Variants in CNTNAP2 observed in about 807,000 individuals in gnomAD.
CNTNAP2 encodes contactin associated protein 2, also known as contactin-associated protein-like 2.
CNTNAP2 carries 98 observed loss-of-function variants against 155.2 expected under a neutral mutation model. The ratio of observed to expected loss-of-function variants is 0.63; its 90% CI spans 0.54 to 0.75. The LOEUF (loss-of-function observed/expected upper bound fraction) is 0.75, where lower values mean the gene tolerates loss of function less well. CNTNAP2 is among the 30% of genes least tolerant of loss of function. The pLI is 0.00. For missense variants in CNTNAP2, 1,727 were observed against 1,688.1 expected, an observed-to-expected ratio of 1.02 and a Z score of -0.40; for synonymous variants, 651 against 631.2, an observed-to-expected ratio of 1.03 and a Z score of -0.47.
intron 21 of CNTNAP2, among the ~76,000 whole-genome samples, chr7:148,286,540 T>C (rs1797086512): frequency 6.6e-6 from 1 of 152,218 alleles, no homozygotes; most frequent in African/African-American, 2.4e-5. Context: ...TTTAAAACAC[T>C]GTAAGTTTTA....
chr7:147,483,237 A>G (rs1049213538), intron 10 of CNTNAP2, among the ~76,000 whole-genome samples: 2 of 152,132 alleles, frequency 1.3e-5, no homozygotes, highest in African/African-American at 4.8e-5. Context: ...AAATAATACG[A>G]TGATAAATCT....
intron 3 of CNTNAP2, among the ~76,000 whole-genome samples, chr7:146,988,855 A>G (rs1798160918): frequency 6.6e-6 from 1 of 152,212 alleles, no homozygotes; most frequent in South Asian, 2.1e-4. Context: ...GCTCTGCTCC[A>G]TGTGGATAAT....
At chr7:147,530,112 A>T (rs2116723339) in intron 11 of CNTNAP2, among the ~76,000 whole-genome samples, 1 of 152,328 alleles carries the variant, frequency 6.6e-6, no homozygotes, top group African/African-American at 2.4e-5. Flanking sequence ...ACTGCTAAGA[A>T]AAAGAAGTTT....
rs1333156434 is a variant in CNTNAP2 at position 148,418,513 on chromosome 7, ATCT to A, written c.*2901_*2903del. The A allele has an allele frequency of 1.4e-5, 2 of 146,142 alleles. No individual in the cohort carries two copies. The highest frequency in any genetic ancestry group is 1.5e-5 in the Non-Finnish European group (1 of 66,920). 9.1% of individuals were successfully genotyped at this position (146,142 alleles called of 1,614,324 possible). A position where few individuals can be genotyped will look rare whatever the true frequency, so the allele number is the denominator to read the frequency against. On this transcript the variant is annotated 3_prime_UTR_variant, in exon 24 of 24. Transcript: ENST00000361727. ...GCTGATTTAAAGTTGTGCAGGAAAC[ATCT>A]TCTGTGTATGAAGCAAATGTCGATG... is the stretch of plus-strand genomic sequence containing the variant.
At chr7:146,625,792 G>A (rs780268241) in intron 1 of CNTNAP2, among the ~76,000 whole-genome samples, 3 of 151,844 alleles carry the variant, frequency 2.0e-5, no homozygotes, top group African/African-American at 4.8e-5. Context: ...GTAATTCAGC[G>A]ATGAGCTATC....
At chr7:148,039,239 A>G (rs1310226816) in intron 15 of CNTNAP2, among the ~76,000 whole-genome samples, 2 of 152,208 alleles carry the variant, frequency 1.3e-5, no homozygotes, top group Admixed American at 1.3e-4. Context: ...TTCAAGTCCA[A>G]AGGCCAGACA....
At chr7:146,628,265 T>C (rs1799453081) in intron 1 of CNTNAP2, among the ~76,000 whole-genome samples, 1 of 152,134 alleles carries the variant, frequency 6.6e-6, no homozygotes, top group Non-Finnish European at 1.5e-5. Flanking sequence ...AGAGCCACAG[T>C]ATCAGATTGT....
intron 3 of CNTNAP2, among the ~76,000 whole-genome samples, chr7:146,849,100 TAAAAA>T (rs560937831): frequency 6.6e-6 from 1 of 151,964 alleles, no homozygotes; most frequent in African/African-American, 2.4e-5. Context: ...CTTTTTAAAA[TAAAAA>T]AAACTCTGAA....
intron 15 of CNTNAP2, among the ~76,000 whole-genome samples, chr7:148,047,900 G>C (rs2527048): frequency 0.019 from 2,923 of 152,244 alleles, 103 homozygotes; most frequent in African/African-American, 0.067. Flanking sequence ...CATTTAGTGA[G>C]CACCTGCTAT....
At chr7:147,455,371 C>G (rs538584524) in intron 10 of CNTNAP2, among the ~76,000 whole-genome samples, 12 of 151,956 alleles carry the variant, frequency 7.9e-5, no homozygotes, top group Non-Finnish European at 1.5e-4. Flanking sequence ...AAGGGGTAAA[C>G]AAAGACTTTA....
At chr7:146,695,376 T>C (rs1287226490) in intron 1 of CNTNAP2, among the ~76,000 whole-genome samples, 1 of 150,772 alleles carries the variant, frequency 6.6e-6, no homozygotes, top group Non-Finnish European at 1.5e-5. Context: ...CCTATTGTGA[T>C]AAATTACATT....
At chr7:147,687,763 A>G (rs1796034902) in intron 13 of CNTNAP2, among the ~76,000 whole-genome samples, 1 of 152,122 alleles carries the variant, frequency 6.6e-6, no homozygotes, top group Non-Finnish European at 1.5e-5. Flanking sequence ...CATGAGGAAG[A>G]GAGAGAAGGC....
At chr7:147,099,287 A>C (rs1188430012) in intron 4 of CNTNAP2, among the ~76,000 whole-genome samples, 2 of 152,158 alleles carry the variant, frequency 1.3e-5, no homozygotes, top group Non-Finnish European at 2.9e-5. Flanking sequence ...ATTGCTTTAT[A>C]TTTGGAAAGT....
At chr7:146,858,418 G>T (rs1011063033) in intron 3 of CNTNAP2, among the ~76,000 whole-genome samples, 4 of 152,198 alleles carry the variant, frequency 2.6e-5, no homozygotes, top group African/African-American at 4.8e-5. Flanking sequence ...TTTGCACCAG[G>T]CTTCGTGGCT....
chr7:147,728,425 A>C (rs1467754987), intron 13 of CNTNAP2, among the ~76,000 whole-genome samples: 2 of 152,072 alleles, frequency 1.3e-5, no homozygotes, highest in African/African-American at 2.4e-5. Flanking sequence ...AGTTGTGAAG[A>C]GAAAAACTGA....
In CNTNAP2 at chr7:147,011,929, C is replaced by G. The variant is rs148617057; in HGVS notation, c.403-31978C>G. Among the ~76,000 whole-genome samples, 20 of 152,330 alleles carry G rather than the reference C, an allele frequency of 1.3e-4. No homozygotes were observed. The East Asian group carries it at 3.9e-3, about 29-fold the overall frequency. On this transcript the variant is annotated intron_variant, in intron 3 of 23. Transcript: ENST00000361727. ...CCTGGCTGGGTTTCCCCACCTGGGT[C>G]TACTAGAATTAGACCAGATCCTTTT...
intron 21 of CNTNAP2, among the ~76,000 whole-genome samples, chr7:148,323,463 C>T (rs1270667071): frequency 6.6e-6 from 1 of 150,940 alleles, no homozygotes; most frequent in African/African-American, 2.4e-5. Flanking sequence ...CTCATTTTCC[C>T]ACCATGCCTA....
rs200583537 is a variant in CNTNAP2 at position 147,602,533 on chromosome 7, T to C, written c.1898-36573T>C. On this transcript the variant is annotated intron_variant, in intron 12 of 23. Coordinates refer to ENST00000361727, the MANE Select transcript of CNTNAP2 (RefSeq NM_014141.6). ...CTTTAAGTTTTAGGGTACATGTGCA[T>C]AATGTGCAGGTTAGTTACATATGTA... 3.3e-5 allele frequency among the ~76,000 whole-genome samples: 5 copies of C among 151,586 alleles called. No homozygotes were observed. In the South Asian group the frequency reaches 8.4e-4, roughly 25 times the overall value.
chr7:146,447,052 A>G (rs1639465), intron 1 of CNTNAP2, among the ~76,000 whole-genome samples: 65,410 of 151,932 alleles, frequency 0.43, 17,030 homozygotes, highest in African/African-American at 0.73. Flanking sequence ...AATTCAAAAC[A>G]GTATCTTAGG....
Sources: allele counts gnomAD v4.1 joint callset (sites outside exome capture counted in the v4.1 genomes callset), GRCh38; gene constraint gnomAD v4.1.1; transcripts MANE v1.5; gene names NCBI Gene and HGNC (gene_info 2026-07-23, HGNC 2026-07-21).